Variants in SMC2 observed in about 807,000 individuals in gnomAD.
SMC2 encodes the protein structural maintenance of chromosomes 2.
Under a neutral mutation model 142.6 loss-of-function variants are expected in SMC2, and 41 were observed. That is an observed-to-expected ratio of 0.29 (90% confidence interval 0.22 to 0.37). The LOEUF (loss-of-function observed/expected upper bound fraction) is 0.37. Among genes scored for constraint, SMC2 ranks in the 10% least tolerant of loss-of-function variants. The pLI is 1.00. For synonymous variants in SMC2, 463 were observed against 457.5 expected, an observed-to-expected ratio of 1.01 and a Z score of -0.15; for missense variants, 1,265 against 1,373.7, an observed-to-expected ratio of 0.92 and a Z score of 1.25.
In SMC2 at chr9:104,102,208, A is replaced by G. The variant is rs1042543326; in HGVS notation, c.870+15A>G. Reference sequence around the variant, plus strand: ...GAAAAGATAAGGTCTGAACATATGTATAAGAATCGATAATATACTCTGTGA... The same window carrying G: ...GAAAAGATAAGGTCTGAACATATGTGTAAGAATCGATAATATACTCTGTGA... On this transcript the variant is annotated intron_variant, in intron 8 of 24. Coordinates refer to ENST00000374793, the MANE Select transcript of SMC2 (RefSeq NM_006444.3). The G allele has an allele frequency of 1.4e-6, 2 of 1,380,344 alleles. No individual in the cohort carries two copies. Among genetic ancestry groups the G allele is most frequent in the Middle Eastern group, 2.5e-4 (1 of 4,036 alleles). The allele number at this position is 1,380,344 out of a possible 1,614,324, so 85.5% of individuals were successfully genotyped here.
chr9:104,139,078 A>G, intron 24 of SMC2, 61 bp from the exon 25 acceptor site: 1 of 1,106,210 alleles, frequency 9.0e-7, no homozygotes. Flanking sequence ...ACCAGTATAA[A>G]GGAGTAAACT....
chr9:104,121,531 T>A (rs6479213), intron 16 of SMC2, among the ~76,000 whole-genome samples: 8,602 of 152,078 alleles, frequency 0.057, 656 homozygotes, highest in African/African-American at 0.18. Flanking sequence ...GTTCAATTGT[T>A]ATTTTTTCCA....
chr9:104,136,587 AGC>A (rs1835550703), intron 23 of SMC2, among the ~76,000 whole-genome samples: 1 of 152,074 alleles, frequency 6.6e-6, no homozygotes, highest in Non-Finnish European at 1.5e-5. Context: ...CCTTCAGCAC[AGC>A]AGAATTTTTT....
At chr9:104,135,802 T>C in intron 23 of SMC2, 1 of 517,882 alleles carries the variant, frequency 1.9e-6, no homozygotes, top group Non-Finnish European at 3.9e-6. Flanking sequence ...AAAGTATATG[T>C]CAACTTAGAA....
At position 104,129,864 on chromosome 9, in the gene SMC2, AAT is replaced by A; in HGVS notation, c.2991+22_2991+23del. ...AGAGCGAGTAAGTCAATTTCTTATGAATATCTGGCCGCATTAGAACATGACTA... is the reference window on the plus strand; with the variant it reads ...AGAGCGAGTAAGTCAATTTCTTATGAATCTGGCCGCATTAGAACATGACTA... On this transcript the variant is annotated intron_variant, in intron 21 of 24. Transcript: ENST00000374793. The A allele has an allele frequency of 6.3e-7, 1 of 1,586,686 alleles. No homozygotes were observed. Among genetic ancestry groups the A allele is most frequent in the South Asian group, 1.1e-5 (1 of 90,318 alleles).
intron 3 of SMC2, among the ~76,000 whole-genome samples, chr9:104,096,751 A>G (rs1055499095): frequency 6.6e-6 from 1 of 152,156 alleles, no homozygotes. Context: ...CTTATTCCCT[A>G]CTTCAGTGTT....
chr9:104,098,625 T>C (rs2131296023), intron 4 of SMC2, 57 bp downstream of exon 4: 6 of 1,509,846 alleles, frequency 4.0e-6, no homozygotes, highest in East Asian at 2.3e-5. Flanking sequence ...TTTTTTACTT[T>C]TAAGCAATTA....
At chr9:104,104,118 T>G (rs1179171479) in intron 9 of SMC2, among the ~76,000 whole-genome samples, 1 of 152,310 alleles carries the variant, frequency 6.6e-6, no homozygotes, top group South Asian at 2.1e-4. Context: ...ATATCTTTTA[T>G]AAACTCTCAC....
At position 104,125,058 on chromosome 9, in the gene SMC2, A is replaced by G. The variant is rs1460241113; in HGVS notation, c.2404A>G (p.Lys802Glu). The G allele has an allele frequency of 6.3e-7, 1 of 1,597,770 alleles. No individual in the cohort carries two copies. The highest frequency in any genetic ancestry group is 2.2e-5 in the East Asian group (1 of 44,610). ...KDAQKKLDCA[K>E]TKADASSKKM... Reference sequence around the variant, plus strand: ...TGCTCAGAAAAAACTGGATTGTGCCAAAACAAAGGCAGATGCATCTAGCAA... The same window carrying G: ...TGCTCAGAAAAAACTGGATTGTGCCGAAACAAAGGCAGATGCATCTAGCAA... The change falls in exon 18 of 25, where the codon AAA (lysine) becomes GAA (glutamate). Residue 802 changes from lysine (K) to glutamate (E), a missense_variant. Lys to Glu is a moderately conservative substitution (Grantham distance 56). Transcript: ENST00000374793.
At position 104,111,719 on chromosome 9, in the gene SMC2, C is replaced by A. The variant is rs753609822; in HGVS notation, c.1159C>A (p.Leu387Met). The A allele has an allele frequency of 6.2e-7, 1 of 1,614,050 alleles. No homozygotes were observed. The highest frequency in any genetic ancestry group is 8.5e-7 in the Non-Finnish European group (1 of 1,179,944). ...QQHFNAVSAG[L>M]SSNEDGAEAT... ...GCACTTCAATGCTGTTTCCGCTGGC[C>A]TGTCCAGTAATGAAGATGGAGCAGA... Residue 387 changes from leucine (L) to methionine (M), a missense_variant, in exon 10 of 25, where the codon CTG becomes ATG. Physicochemically the swap from Leu to Met is conservative, Grantham distance 15 (BLOSUM62 2). Around this residue, in one of 4 missense-constraint regions of SMC2, gnomAD observed 898 missense variants for 904.2 expected, o/e 0.99. Coordinates refer to ENST00000374793, the MANE Select transcript of SMC2 (RefSeq NM_006444.3).
In SMC2 at chr9:104,140,777, T is replaced by G. The variant is rs1455074101; in HGVS notation, c.*1462T>G. On this transcript the variant is annotated 3_prime_UTR_variant, in exon 25 of 25. Transcript: ENST00000374793. Reference sequence around the variant, plus strand: ...CAGACTGTGCCAAAACAGTTACCAATTCACACTGTCAATATTAAAGTATAC... The same window carrying G: ...CAGACTGTGCCAAAACAGTTACCAAGTCACACTGTCAATATTAAAGTATAC... 1.3e-5 allele frequency: 2 copies of G among 152,608 alleles called. No homozygotes were observed. The highest frequency in any genetic ancestry group is 2.9e-5 in the Non-Finnish European group (2 of 68,032). 9.5% of individuals were successfully genotyped at this position (152,608 alleles called of 1,614,324 possible).
chr9:104,139,346 T>G lies in SMC2; in HGVS notation c.*31T>G, dbSNP rs1488527389. On this transcript the variant is annotated 3_prime_UTR_variant, in exon 25 of 25. Transcript: ENST00000374793. Reference sequence around the variant, plus strand: ...AAAGTTATTTCTTCATCTTGACCTGTTTTTTTAAATGTAAACTTTTAAGGA... The same window carrying G: ...AAAGTTATTTCTTCATCTTGACCTGGTTTTTTAAATGTAAACTTTTAAGGA... 3 of 1,529,402 alleles carry G rather than the reference T, an allele frequency of 2.0e-6. No individual in the cohort carries two copies. The African/African-American group carries it at 4.3e-5, about 22-fold the overall frequency. The allele number at this position is 1,529,402 out of a possible 1,614,324, so 94.7% of individuals were successfully genotyped here.
intron 22 of SMC2, among the ~76,000 whole-genome samples, chr9:104,133,121 CT>C (rs202125310): frequency 3.3e-5 from 5 of 152,040 alleles, no homozygotes; most frequent in East Asian, 3.9e-4. Context: ...GTATTCTAGG[CT>C]TTTTTTGTTT....
chr9:104,127,312 G>T lies in SMC2; in HGVS notation c.2622G>T (p.Glu874Asp). ...NKESVNKAQE[E>D]VTKQKEVITA... Reference sequence around the variant, plus strand: ...AGTCAGTAAATAAAGCTCAAGAAGAGGTGACCAAGCAAAAAGAGGTGATAA... The same window carrying T: ...AGTCAGTAAATAAAGCTCAAGAAGATGTGACCAAGCAAAAAGAGGTGATAA... The change falls in exon 20 of 25, where the codon GAG (glutamate) becomes GAT (aspartate). Residue 874 changes from glutamate (E) to aspartate (D), a missense_variant. By Grantham distance (45) the Glu-to-Asp change is conservative. Transcript: ENST00000374793. 1 of 1,593,864 alleles carries T rather than the reference G, an allele frequency of 6.3e-7. No homozygotes were observed. The highest frequency in any genetic ancestry group is 8.6e-7 in the Non-Finnish European group (1 of 1,169,448).
At chr9:104,129,976 C>T (rs1834763363) in intron 21 of SMC2, 131 bp downstream of exon 21, 2 of 680,690 alleles carry the variant, frequency 2.9e-6, no homozygotes, top group Non-Finnish European at 2.4e-6. Flanking sequence ...TTCTGCTTTC[C>T]TTTTTCTCTT....
chr9:104,100,541 C>G, intron 7 of SMC2, 108 bp downstream of exon 7: 1 of 702,832 alleles, frequency 1.4e-6, no homozygotes, highest in East Asian at 2.8e-5. Flanking sequence ...TTTTTTCCTG[C>G]GATGAGATAA....
At chr9:104,135,838 CA>C (rs1835471414) in intron 23 of SMC2, 1 of 518,514 alleles carries the variant, frequency 1.9e-6, no homozygotes, top group Admixed American at 1.9e-5. Flanking sequence ...AAATATTCTT[CA>C]AATTGAAGGC....
intron 24 of SMC2, 148 bp from the exon 25 acceptor site, chr9:104,138,991 T>C (rs1249426663): frequency 4.4e-6 from 2 of 459,658 alleles, no homozygotes; most frequent in African/African-American, 4.1e-5. Context: ...TCTAAAACAA[T>C]ATGGACAGCT....
chr9:104,100,500 C>G (rs571379536), intron 7 of SMC2, 67 bp downstream of exon 7: 13 of 1,008,174 alleles, frequency 1.3e-5, no homozygotes, highest in Non-Finnish European at 2.0e-5. Flanking sequence ...TATCCAAAAT[C>G]ATACACATAG....
Sources: gnomAD v4.1 joint callset for allele counts (sites outside exome capture counted in the v4.1 genomes callset) on GRCh38, gnomAD v4.1.1 for gene constraint, gnomAD v4.1.1 regional missense constraint, MANE v1.5 for transcripts, NCBI Gene and HGNC (gene_info 2026-07-23, HGNC 2026-07-21) for gene names.